PI4K2B: variants seen among roughly 807,000 people sequenced by gnomAD.
PI4K2B encodes the protein phosphatidylinositol 4-kinase type 2-beta.
PI4K2B carries 46 observed loss-of-function variants against 56.6 expected under a neutral mutation model. The ratio of observed to expected loss-of-function variants is 0.81; its 90% CI spans 0.64 to 1.04. The LOEUF is 1.04. Among genes scored for constraint, PI4K2B ranks in the 50% least tolerant of loss-of-function variants. PI4K2B has a pLI of 0.00. For missense variants in PI4K2B, 556 were observed against 607.7 expected (o/e 0.91, Z 0.89); for synonymous variants, 211 against 223.8 (o/e 0.94, Z 0.51).
At chr4:25,245,208 G>A (rs1031912763) in intron 1 of PI4K2B, among the ~76,000 whole-genome samples, 4 of 152,044 alleles carry the variant, frequency 2.6e-5, no homozygotes, top group Non-Finnish European at 2.9e-5. Context: ...GGTGAGCCTG[G>A]GTGCCTAAAG....
Position 25,234,330 on chromosome 4 carries a change from AG to A in PI4K2B, c.170del (p.Gly57AlafsTer34). ...AVRLLDAAGE[E>X]GEAGDEELPL... Reference sequence around the variant, plus strand: ...AGGCTGCTGGACGCTGCCGGGGAGGAGGGCGAGGCCGGCGACGAGGAGCTGC... The same window carrying A: ...AGGCTGCTGGACGCTGCCGGGGAGGAGGCGAGGCCGGCGACGAGGAGCTGC... On this transcript the variant is annotated frameshift_variant, in exon 1 of 10. Transcript: ENST00000264864. LOFTEE classifies it high-confidence loss of function. The A allele has an allele frequency of 7.1e-7, 1 of 1,408,250 alleles. No individual in the cohort carries two copies. Among genetic ancestry groups the A allele is most frequent in the East Asian group, 3.1e-5 (1 of 32,434 alleles). The allele number at this position is 1,408,250 out of a possible 1,614,324, so 87.2% of individuals were successfully genotyped here.
intron 1 of PI4K2B, among the ~76,000 whole-genome samples, chr4:25,240,671 G>A (rs1026967791): frequency 1.3e-5 from 2 of 152,156 alleles, no homozygotes; most frequent in African/African-American, 4.8e-5. Context: ...CCTTGGCTGG[G>A]TAGACAGAAA....
At chr4:25,263,061 G>A (rs1243383894) in intron 6 of PI4K2B, among the ~76,000 whole-genome samples, 1 of 152,134 alleles carries the variant, frequency 6.6e-6, no homozygotes, top group Non-Finnish European at 1.5e-5. Flanking sequence ...AATGCCAGAC[G>A]CTTGCAAAAC....
At chr4:25,255,629 CTT>C (rs1260561395) in intron 3 of PI4K2B, among the ~76,000 whole-genome samples, 1 of 152,164 alleles carries the variant, frequency 6.6e-6, no homozygotes, top group Non-Finnish European at 1.5e-5. Flanking sequence ...TTTCTTTTCT[CTT>C]GTTTTGTTTT....
intron 2 of PI4K2B, among the ~76,000 whole-genome samples, chr4:25,253,961 G>A (rs10004160): frequency 0.032 from 4,883 of 152,144 alleles, 110 homozygotes; most frequent in African/African-American, 0.069. Context: ...GAGTAGAGAC[G>A]GGATTTCCCC....
chr4:25,263,888 T>G (rs761279485), intron 7 of PI4K2B, 39 bp downstream of exon 7: 2 of 858,306 alleles, frequency 2.3e-6, no homozygotes, highest in South Asian at 3.3e-5. Flanking sequence ...TATAATTACC[T>G]TTTTTCCAGA....
At chr4:25,256,332 G>A (rs1326311129) in intron 3 of PI4K2B, among the ~76,000 whole-genome samples, 1 of 152,172 alleles carries the variant, frequency 6.6e-6, no homozygotes, top group Non-Finnish European at 1.5e-5. Flanking sequence ...GCCTCTAAAA[G>A]GCTTTTATAC....
At chr4:25,252,196 T>G in intron 1 of PI4K2B, 125 bp from the exon 2 acceptor site, 3 of 619,338 alleles carry the variant, frequency 4.8e-6, no homozygotes, top group South Asian at 4.8e-5. Flanking sequence ...GAAGGAGGAT[T>G]AGAGCAGTCT....
chr4:25,259,282 A>C, intron 5 of PI4K2B, 92 bp downstream of exon 5: 1 of 892,394 alleles, frequency 1.1e-6, no homozygotes, highest in South Asian at 1.7e-5. Flanking sequence ...CTTTTGTTGC[A>C]GAAGTCTTGA....
intron 1 of PI4K2B, among the ~76,000 whole-genome samples, chr4:25,238,648 G>A (rs951990188): frequency 1.3e-5 from 2 of 152,118 alleles, no homozygotes; most frequent in Non-Finnish European, 2.9e-5. Flanking sequence ...TGGCTCTTAA[G>A]CTGGCGCGTC....
intron 3 of PI4K2B, 74 bp from the exon 4 acceptor site, chr4:25,256,469 G>A: frequency 7.6e-7 from 1 of 1,313,050 alleles, no homozygotes; most frequent in South Asian, 1.4e-5. Context: ...TCATTAGAGT[G>A]AGTTTCATGG....
At position 25,255,206 on chromosome 4, in the gene PI4K2B, G is replaced by A. The variant is rs746603449; in HGVS notation, c.565G>A (p.Glu189Lys). The A allele has an allele frequency of 5.6e-6, 9 of 1,614,022 alleles. No homozygotes were observed. Among genetic ancestry groups the A allele is most frequent in the Admixed American group, 1.7e-5 (1 of 60,006 alleles). ...CLIPNQGYLS[E>K]AGAYLVDNKL... ...GATTCCTAATCAGGGGTACCTTTCC[G>A]AAGCGGGTGCCTATCTTGTGGACAA... The change falls in exon 3 of 10, where the codon GAA becomes AAA. Residue 189 changes from glutamate (E) to lysine (K), a missense_variant. Glu to Lys is a moderately conservative substitution (Grantham distance 56). Transcript: ENST00000264864.
At chr4:25,254,096 T>G (rs930050346) in intron 2 of PI4K2B, among the ~76,000 whole-genome samples, 1 of 152,170 alleles carries the variant, frequency 6.6e-6, no homozygotes, top group African/African-American at 2.4e-5. Context: ...AAAAAATAGC[T>G]GGAAAAGAAT....
chr4:25,243,235 A>G (rs1715603297), intron 1 of PI4K2B, among the ~76,000 whole-genome samples: 1 of 152,166 alleles, frequency 6.6e-6, no homozygotes, highest in African/African-American at 2.4e-5. Context: ...CTGTTGTTGG[A>G]TCATCTGGTT....
In PI4K2B at chr4:25,249,418, A is replaced by AGGGGCTGCCCCCCGCCTCCTGGACG. The variant is rs1560370458; in HGVS notation, c.269-2900_269-2899insGCTGCCCCCCGCCTCCTGGACGGGG. On this transcript the variant is annotated intron_variant, in intron 1 of 9. Coordinates refer to ENST00000264864, the MANE Select transcript of PI4K2B (RefSeq NM_018323.4). ...AGAGGCGCCCCTCCACCCCCCGGAC[A>AGGGGCTGCCCCCCGCCTCCTGGACG]GGGCGGCTGGCCGGGCGGGGGCTGC... 3.2e-3 allele frequency among the ~76,000 whole-genome samples: 428 copies of AGGGGCTGCCCCCCGCCTCCTGGACG among 134,766 alleles called. 3 individuals are homozygous for AGGGGCTGCCCCCCGCCTCCTGGACG. Among genetic ancestry groups the AGGGGCTGCCCCCCGCCTCCTGGACG allele is most frequent in the African/African-American group, 0.011 (404 of 36,444 alleles). 88.4% of individuals were successfully genotyped at this position (134,766 alleles called of 152,430 possible). A position where few individuals can be genotyped will look rare whatever the true frequency, so the allele number is the denominator to read the frequency against.
chr4:25,248,599 T>G (rs897202541), intron 1 of PI4K2B, among the ~76,000 whole-genome samples: 20 of 24,462 alleles, frequency 8.2e-4, no homozygotes, highest in Non-Finnish European at 2.7e-3. Context: ...TGATGTATGG[T>G]TTTTTTTTTT....
intron 9 of PI4K2B, among the ~76,000 whole-genome samples, chr4:25,269,553 C>T (rs1033849891): frequency 2.0e-5 from 3 of 150,766 alleles, no homozygotes; most frequent in East Asian, 2.0e-4. Context: ...GCAGGAGAAT[C>T]GCTTGAACTC....
intron 9 of PI4K2B, among the ~76,000 whole-genome samples, chr4:25,270,121 C>G (rs1716825376): frequency 6.6e-6 from 1 of 152,146 alleles, no homozygotes; most frequent in Non-Finnish European, 1.5e-5. Flanking sequence ...TTGGGCATCA[C>G]TACCTTTTTC....
At chr4:25,244,082 T>G (rs946188224) in intron 1 of PI4K2B, among the ~76,000 whole-genome samples, 2 of 152,190 alleles carry the variant, frequency 1.3e-5, no homozygotes, top group Admixed American at 1.3e-4. Context: ...CCTAGACCCT[T>G]TAGGACATCT....
Sources: allele counts gnomAD v4.1 joint callset (sites outside exome capture counted in the v4.1 genomes callset), GRCh38; gene constraint gnomAD v4.1.1; transcripts MANE v1.5; gene names NCBI Gene and HGNC (gene_info 2026-07-23, HGNC 2026-07-21).